Variants in GLDC observed in about 807,000 individuals in gnomAD.
GLDC encodes glycine decarboxylase.
In GLDC, 104 loss-of-function variants were observed where a neutral mutation model predicts 121.3. The ratio of observed to expected loss-of-function variants is 0.86; its 90% CI spans 0.73 to 1.01. The LOEUF (loss-of-function observed/expected upper bound fraction) is 1.01, where lower values mean the gene tolerates loss of function less well. GLDC is among the 50% of genes least tolerant of loss of function. The pLI is 0.00. For synonymous variants in GLDC, 546 were observed against 480.6 expected (o/e 1.14, Z -1.78); for missense variants, 1,429 against 1,306.6 (o/e 1.09, Z -1.44).
chr9:6,561,310 G>A (rs1817753752), intron 16 of GLDC, among the ~76,000 whole-genome samples: 1 of 152,092 alleles, frequency 6.6e-6, no homozygotes, highest in Non-Finnish European at 1.5e-5. Flanking sequence ...AGGATTTAGA[G>A]GACTTTAATT....
intron 15 of GLDC, among the ~76,000 whole-genome samples, chr9:6,577,228 A>G (rs1188526685): frequency 6.6e-6 from 1 of 152,230 alleles, no homozygotes; most frequent in Non-Finnish European, 1.5e-5. Context: ...CTACTTGGTC[A>G]TTTGAGAACC....
intron 22 of GLDC, among the ~76,000 whole-genome samples, chr9:6,537,030 A>ATT (rs200094760): frequency 2.1e-4 from 29 of 139,922 alleles, no homozygotes; most frequent in Admixed American, 2.2e-4. Context: ...TCTGTAAAGC[A>ATT]TTTTTTTTTT....
chr9:6,640,296 C>T (rs937688509), intron 2 of GLDC, among the ~76,000 whole-genome samples: 7 of 152,252 alleles, frequency 4.6e-5, no homozygotes, highest in South Asian at 2.1e-4. Flanking sequence ...TTGAATGAGT[C>T]GGGAATGGCC....
Position 6,592,996 on chromosome 9 carries a change from C to G in GLDC, c.1262-6G>C, listed in dbSNP as rs1818408069. 1 of 1,613,878 alleles carries G rather than the reference C, an allele frequency of 6.2e-7. No individual in the cohort carries two copies. The highest frequency in any genetic ancestry group is 8.5e-7 in the Non-Finnish European group (1 of 1,179,856). ...ATGCCCTGCTCGCTTGAGACCTACA[C>G]AAGATAGGAGATCCCCCAAACTCTC... On this transcript the variant is annotated splice_region_variant and splice_polypyrimidine_tract_variant and intron_variant, in intron 9 of 24. Coordinates refer to ENST00000321612, the MANE Select transcript of GLDC (RefSeq NM_000170.3).
chr9:6,583,675 G>C (rs1818213008), intron 15 of GLDC, among the ~76,000 whole-genome samples: 1 of 151,570 alleles, frequency 6.6e-6, no homozygotes. Flanking sequence ...GACCCTGTCT[G>C]AAAAAAAGAA....
chr9:6,578,958 T>C (rs1818125106), intron 15 of GLDC, among the ~76,000 whole-genome samples: 1 of 152,230 alleles, frequency 6.6e-6, no homozygotes, highest in South Asian at 2.1e-4. Flanking sequence ...TTTCACTCCA[T>C]GTGATCAGCC....
intron 10 of GLDC, 129 bp from the exon 11 acceptor site, chr9:6,592,352 T>C (rs1206668158): frequency 1.4e-6 from 1 of 717,134 alleles, no homozygotes; most frequent in Non-Finnish European, 2.5e-6. Context: ...AGGGTACAAT[T>C]ATCTCCACGC....
intron 16 of GLDC, 128 bp from the exon 17 acceptor site, chr9:6,558,812 A>G (rs1414346619): frequency 1.0e-6 from 1 of 980,898 alleles, no homozygotes; most frequent in Non-Finnish European, 1.6e-6. Context: ...GCTGAACACT[A>G]GTGCTTTAAA....
At chr9:6,540,211 A>G (rs189805073) in intron 21 of GLDC, 65 bp from the exon 22 acceptor site, 539 of 1,014,072 alleles carry the variant, frequency 5.3e-4, no homozygotes, top group Non-Finnish European at 7.3e-4. Context: ...AAACAAATGA[A>G]TAAGTAATTT....
At chr9:6,546,515 T>C (rs1014690535) in intron 21 of GLDC, among the ~76,000 whole-genome samples, 8 of 151,998 alleles carry the variant, frequency 5.3e-5, no homozygotes, top group Non-Finnish European at 1.5e-5. Context: ...TCCGACATCT[T>C]GTCCTCTGGA....
chr9:6,594,839 AAGAG>A (rs977953992), intron 9 of GLDC, among the ~76,000 whole-genome samples, 171 bp downstream of exon 9: 13 of 151,778 alleles, frequency 8.6e-5, no homozygotes, highest in Admixed American at 2.0e-4. Flanking sequence ...AAGAAAAAGA[AAGAG>A]AAAGAAAGAA....
At chr9:6,616,189 G>A (rs532038936) in intron 3 of GLDC, among the ~76,000 whole-genome samples, 1 of 152,288 alleles carries the variant, frequency 6.6e-6, no homozygotes, top group Admixed American at 6.5e-5. Context: ...AGCATATGCT[G>A]ATAGACCTTT....
chr9:6,621,049 G>C (rs1161044677), intron 2 of GLDC, among the ~76,000 whole-genome samples: 2 of 152,054 alleles, frequency 1.3e-5, no homozygotes, highest in Non-Finnish European at 1.5e-5. Context: ...TCACACCTGT[G>C]GTCCCAGATT....
chr9:6,533,219 A>G, intron 24 of GLDC, 59 bp from the exon 25 acceptor site: 1 of 1,477,670 alleles, frequency 6.8e-7, no homozygotes, highest in South Asian at 1.1e-5. Flanking sequence ...CTCTTAGGGC[A>G]AAGGAGGTGG....
chr9:6,635,206 C>G (rs953143157), intron 2 of GLDC, among the ~76,000 whole-genome samples: 9 of 152,182 alleles, frequency 5.9e-5, no homozygotes, highest in African/African-American at 2.2e-4. Flanking sequence ...TCTTTTACCT[C>G]CTGACTTTTG....
chr9:6,598,059 G>C (rs1818526223), intron 8 of GLDC, among the ~76,000 whole-genome samples: 1 of 152,168 alleles, frequency 6.6e-6, no homozygotes, highest in South Asian at 2.1e-4. Flanking sequence ...GGTGGGGTCT[G>C]ATTCTGTCAC....
At chr9:6,589,501 A>C (rs1426982758) in intron 11 of GLDC, among the ~76,000 whole-genome samples, 1 of 151,986 alleles carries the variant, frequency 6.6e-6, no homozygotes, top group African/African-American at 2.4e-5. Flanking sequence ...CACGATCTCA[A>C]CTCACTGTAG....
intron 2 of GLDC, among the ~76,000 whole-genome samples, chr9:6,621,613 G>A (rs943829251): frequency 6.6e-6 from 1 of 152,094 alleles, no homozygotes; most frequent in African/African-American, 2.4e-5. Flanking sequence ...CACCTCCCAG[G>A]TTCAAGCGAT....
At chr9:6,540,401 G>A (rs532203936) in intron 21 of GLDC, 18 of 469,778 alleles carry the variant, frequency 3.8e-5, no homozygotes, top group South Asian at 8.5e-5. Context: ...ACCTGATTAT[G>A]GCTAATGGCA....
Sources: gnomAD v4.1 joint callset for allele counts (sites outside exome capture counted in the v4.1 genomes callset) on GRCh38, gnomAD v4.1.1 for gene constraint, MANE v1.5 for transcripts, NCBI Gene and HGNC (gene_info 2026-07-23, HGNC 2026-07-21) for gene names.